The following TBC1D15 variants were observed in gnomAD, a reference collection of about 807,000 sequenced individuals.
TBC1D15 encodes TBC1 domain family member 15, also known as GAP for RAB7.
A neutral mutation model predicts 95.4 loss-of-function variants in TBC1D15; 39 were observed. That is an observed-to-expected ratio of 0.41 (90% CI 0.32 to 0.53). TBC1D15 has a LOEUF of 0.53. TBC1D15 is among the 20% of genes least tolerant of loss of function. The probability of loss-of-function intolerance (pLI) is 0.29; values close to 1 mark genes in which losing one functional copy is unlikely to be tolerated. For missense variants in TBC1D15, 733 were observed against 794.3 expected (o/e 0.92, Z 0.93); for synonymous variants, 258 against 261.3 (o/e 0.99, Z 0.12).
chr12:71,845,152 A>G (rs1170747641), intron 1 of TBC1D15, among the ~76,000 whole-genome samples: 1 of 152,240 alleles, frequency 6.6e-6, no homozygotes, highest in Non-Finnish European at 1.5e-5. Context: ...GGCCCAAGGC[A>G]GAAATGTTTT....
intron 12 of TBC1D15, among the ~76,000 whole-genome samples, chr12:71,917,494 C>T (rs1903988739): frequency 6.6e-6 from 1 of 152,020 alleles, no homozygotes; most frequent in Admixed American, 6.6e-5. Flanking sequence ...AAAAAATAAT[C>T]CTTAGTTTTG....
intron 10 of TBC1D15, among the ~76,000 whole-genome samples, chr12:71,906,722 G>A (rs560009017): frequency 2.2e-4 from 33 of 151,262 alleles, no homozygotes; most frequent in Admixed American, 1.1e-3. Flanking sequence ...TTATTACTTA[G>A]TGTTGCTTTT....
chr12:71,921,904 T>C (rs1318678675), intron 16 of TBC1D15, among the ~76,000 whole-genome samples: 3 of 152,212 alleles, frequency 2.0e-5, no homozygotes, highest in Non-Finnish European at 2.9e-5. Flanking sequence ...TGATGTATTA[T>C]CTGAATTTGA....
At chr12:71,877,363 T>C (rs573475218) in intron 3 of TBC1D15, among the ~76,000 whole-genome samples, 2 of 151,824 alleles carry the variant, frequency 1.3e-5, no homozygotes, top group Admixed American at 1.3e-4. Flanking sequence ...CTTCTGTCTT[T>C]TTTTTTTAAT....
chr12:71,902,920 C>CTT (rs34085975), intron 10 of TBC1D15, among the ~76,000 whole-genome samples: 5 of 150,134 alleles, frequency 3.3e-5, no homozygotes, highest in African/African-American at 1.2e-4. Context: ...CATGAGCAGA[C>CTT]TTTTTTTTTT....
intron 3 of TBC1D15, among the ~76,000 whole-genome samples, chr12:71,876,068 C>T (rs569060194): frequency 4.1e-4 from 63 of 152,284 alleles, no homozygotes; most frequent in African/African-American, 1.5e-3. Context: ...GCAGGGATTA[C>T]AGGCGTGAGA....
chr12:71,866,893 T>G (rs1015755492), intron 1 of TBC1D15, among the ~76,000 whole-genome samples: 18 of 152,226 alleles, frequency 1.2e-4, no homozygotes, highest in Non-Finnish European at 2.2e-4. Flanking sequence ...TTTTTGTATT[T>G]TGGGCTATTT....
At chr12:71,844,682 TCTTA>T (rs1288751292) in intron 1 of TBC1D15, among the ~76,000 whole-genome samples, 1 of 152,194 alleles carries the variant, frequency 6.6e-6, no homozygotes, top group Non-Finnish European at 1.5e-5. Context: ...AGTGACTGAA[TCTTA>T]CTTATTTACA....
At chr12:71,889,253 G>GAT (rs1230847666) in intron 5 of TBC1D15, among the ~76,000 whole-genome samples, 1 of 152,274 alleles carries the variant, frequency 6.6e-6, no homozygotes, top group East Asian at 1.9e-4. Flanking sequence ...TGGGGAAGGA[G>GAT]ATAGTGTCTA....
chr12:71,914,553 A>G (rs1470151738), intron 12 of TBC1D15, among the ~76,000 whole-genome samples: 5 of 152,120 alleles, frequency 3.3e-5, no homozygotes, highest in Admixed American at 6.6e-5. Flanking sequence ...AAAATAAAAG[A>G]AAAGTCTCTT....
chr12:71,918,501 A>G lies in TBC1D15; in HGVS notation c.1552A>G (p.Arg518Gly). The G allele has an allele frequency of 1.9e-6, 3 of 1,609,880 alleles. No homozygotes were observed. Among genetic ancestry groups the G allele is most frequent in the Non-Finnish European group, 2.5e-6 (3 of 1,178,578 alleles). ...TTTTTGCTTCAGGTGGCTTTTAATC[A>G]GATTCAAAAGGGAATTTAGTTTTCT... ...LYFCFRWLLIRFKREFSFLDI... is the reference protein window; with the variant it reads ...LYFCFRWLLIGFKREFSFLDI... Residue 518 changes from arginine (R) to glycine (G), a missense_variant, in exon 14 of 17, where the codon AGA becomes GGA. Physicochemically the swap from Arg to Gly is moderately radical, Grantham distance 125. Coordinates refer to ENST00000485960, the MANE Select transcript of TBC1D15 (RefSeq NM_001146213.3).
intron 1 of TBC1D15, among the ~76,000 whole-genome samples, chr12:71,867,340 G>A (rs1440492508): frequency 6.6e-6 from 1 of 152,198 alleles, no homozygotes; most frequent in Non-Finnish European, 1.5e-5. Context: ...TCTGTGATTG[G>A]TGACTTTACT....
intron 5 of TBC1D15, among the ~76,000 whole-genome samples, chr12:71,890,538 A>G (rs990745457): frequency 1.3e-5 from 2 of 152,144 alleles, no homozygotes; most frequent in South Asian, 2.1e-4. Context: ...GTTTGTCTTC[A>G]TAAAGAGCTG....
chr12:71,890,773 C>G (rs1465316861), intron 5 of TBC1D15, among the ~76,000 whole-genome samples: 1 of 152,124 alleles, frequency 6.6e-6, no homozygotes, highest in Admixed American at 6.6e-5. Flanking sequence ...ACCAGGAAAA[C>G]AAATTGTCAT....
chr12:71,903,587 A>G (rs1054804577), intron 10 of TBC1D15, among the ~76,000 whole-genome samples: 2 of 152,196 alleles, frequency 1.3e-5, no homozygotes, highest in Admixed American at 6.5e-5. Context: ...TAGCAGCACT[A>G]TTTGACAACA....
chr12:71,865,440 C>T (rs755253177), intron 1 of TBC1D15, among the ~76,000 whole-genome samples: 3 of 152,070 alleles, frequency 2.0e-5, no homozygotes, highest in Non-Finnish European at 4.4e-5. Context: ...TCAGTGGTAA[C>T]GTGGATCTCA....
intron 1 of TBC1D15, among the ~76,000 whole-genome samples, chr12:71,870,253 CCTCCTT>C (rs1224430096): frequency 2.0e-5 from 3 of 152,112 alleles, no homozygotes; most frequent in Non-Finnish European, 4.4e-5. Flanking sequence ...CTCCCCTTCT[CCTCCTT>C]CTCCTTCCTC....
At chr12:71,886,868 A>G (rs1896326312) in intron 5 of TBC1D15, among the ~76,000 whole-genome samples, 1 of 152,222 alleles carries the variant, frequency 6.6e-6, no homozygotes, top group Non-Finnish European at 1.5e-5. Context: ...TTAGCACCAT[A>G]GTAAGCTCAG....
intron 10 of TBC1D15, among the ~76,000 whole-genome samples, chr12:71,904,167 A>G (rs1900120897): frequency 6.6e-6 from 1 of 152,234 alleles, no homozygotes; most frequent in Admixed American, 6.5e-5. Context: ...AAAACATCAA[A>G]GTTTGATGTC....
Sources: gnomAD v4.1 joint callset for allele counts (sites outside exome capture counted in the v4.1 genomes callset) on GRCh38, gnomAD v4.1.1 for gene constraint, MANE v1.5 for transcripts, NCBI Gene and HGNC (gene_info 2026-07-23, HGNC 2026-07-21) for gene names.